TADA2A: variants seen among roughly 807,000 people sequenced by gnomAD.
TADA2A encodes the protein transcriptional adaptor 2A.
A neutral mutation model predicts 67.4 loss-of-function variants in TADA2A; 38 were observed. The observed-to-expected ratio is 0.56, with a 90% CI of 0.44 to 0.74. The LOEUF is 0.74. Among genes scored for constraint, TADA2A ranks in the 30% least tolerant of loss-of-function variants. TADA2A has a pLI of 0.00. For missense variants in TADA2A, 454 were observed against 547.0 expected, an observed-to-expected ratio of 0.83 and a Z score of 1.70; for synonymous variants, 192 against 181.6, an observed-to-expected ratio of 1.06 and a Z score of -0.46.
At chr17:37,457,599 C>T (rs1035420878) in intron 8 of TADA2A, among the ~76,000 whole-genome samples, 1 of 145,586 alleles carries the variant, frequency 6.9e-6, no homozygotes, top group Non-Finnish European at 1.5e-5. Context: ...TGGCTTTGAA[C>T]GATTCTCCCA....
chr17:37,428,048 A>C (rs1418824504), intron 4 of TADA2A, among the ~76,000 whole-genome samples: 4 of 152,124 alleles, frequency 2.6e-5, no homozygotes, highest in Admixed American at 6.6e-5. Flanking sequence ...CTCCTACTTC[A>C]AGCAGTTTTC....
At chr17:37,463,545 C>G (rs2053595014) in intron 10 of TADA2A, among the ~76,000 whole-genome samples, 1 of 151,910 alleles carries the variant, frequency 6.6e-6, no homozygotes, top group Non-Finnish European at 1.5e-5. Flanking sequence ...TTCAAGGCTG[C>G]AGTGAGCTAT....
At chr17:37,470,336 A>T in intron 12 of TADA2A, 64 bp from the exon 13 acceptor site, 1 of 1,583,350 alleles carries the variant, frequency 6.3e-7, no homozygotes, top group East Asian at 2.3e-5. Flanking sequence ...TTTCTTGGTC[A>T]GTTAGGAAGC....
intron 3 of TADA2A, among the ~76,000 whole-genome samples, chr17:37,424,800 C>A (rs2052354263): frequency 6.6e-6 from 1 of 152,190 alleles, no homozygotes; most frequent in Admixed American, 6.6e-5. Context: ...AGGTGATCTG[C>A]CTGCCTCGGT....
In TADA2A at chr17:37,419,412, G is replaced by C. The variant is rs2052160291; in HGVS notation, c.26-4097G>C. On this transcript the variant is annotated intron_variant, in intron 2 of 15. Transcript: ENST00000615182. ...TGGTCTCGAACTCCTGAGCTCAAGT[G>C]ATCCACCCACCTTGGTCTCCCAGAG... Among the ~76,000 whole-genome samples the C allele has an allele frequency of 2.1e-5, 3 of 145,768 alleles. 1 individual carries two copies. The South Asian group carries it at 6.8e-4, about 33-fold the overall frequency.
At chr17:37,421,915 G>C (rs2052245346) in intron 2 of TADA2A, among the ~76,000 whole-genome samples, 1 of 145,606 alleles carries the variant, frequency 6.9e-6, no homozygotes, top group Non-Finnish European at 1.5e-5. Flanking sequence ...GTCTCTCTCT[G>C]TTGCCCAGAC....
intron 8 of TADA2A, chr17:37,454,636 C>T (rs762879001): frequency 4.5e-6 from 1 of 223,350 alleles, no homozygotes; most frequent in Non-Finnish European, 9.3e-6. Context: ...TAAACTGGTC[C>T]TCTACAGAAG....
In TADA2A at chr17:37,419,694, C is replaced by T. The variant is rs1387949791; in HGVS notation, c.26-3815C>T. On this transcript the variant is annotated intron_variant, in intron 2 of 15. Transcript: ENST00000615182. ...TTGGGAGGCTGAGGCATGAGAATTG[C>T]TTGAACGTGGGAGGCAGAGGTTTCA... Among the ~76,000 whole-genome samples the T allele has an allele frequency of 3.5e-5, 5 of 143,586 alleles. No individual in the cohort carries two copies. The East Asian group carries it at 8.8e-4, about 25-fold the overall frequency. 94.2% of individuals were successfully genotyped at this position (143,586 alleles called of 152,430 possible).
At chr17:37,449,059 C>T (rs894796842) in intron 8 of TADA2A, among the ~76,000 whole-genome samples, 3 of 151,596 alleles carry the variant, frequency 2.0e-5, no homozygotes, top group Admixed American at 2.0e-4. Context: ...CTCGCTCTAT[C>T]GCCTAGGCTG....
At chr17:37,461,818 T>A (rs146462958) in intron 9 of TADA2A, 8 of 332,318 alleles carry the variant, frequency 2.4e-5, no homozygotes, top group Middle Eastern at 8.2e-4. Flanking sequence ...TTGTGAGTGG[T>A]TATTGATTGA....
At chr17:37,444,934 A>G (rs2053032210) in intron 8 of TADA2A, among the ~76,000 whole-genome samples, 166 bp downstream of exon 8, 1 of 152,232 alleles carries the variant, frequency 6.6e-6, no homozygotes, top group African/African-American at 2.4e-5. Context: ...TTTTGACCAC[A>G]GTGAATAAGA....
At chr17:37,424,014 C>G (rs944945049) in intron 3 of TADA2A, among the ~76,000 whole-genome samples, 5 of 152,028 alleles carry the variant, frequency 3.3e-5, no homozygotes, top group Non-Finnish European at 5.9e-5. Flanking sequence ...TCCCAAAGTT[C>G]TGGGATTACA....
intron 4 of TADA2A, among the ~76,000 whole-genome samples, chr17:37,428,789 G>A (rs56252960): frequency 6.6e-6 from 1 of 152,134 alleles, no homozygotes; most frequent in South Asian, 2.1e-4. Context: ...GCTCATGCCT[G>A]TAATCCCAGC....
intron 1 of TADA2A, among the ~76,000 whole-genome samples, chr17:37,410,361 A>G (rs1231024314): frequency 1.4e-5 from 2 of 146,174 alleles, no homozygotes; most frequent in African/African-American, 5.1e-5. Context: ...TTTTTTTAAG[A>G]GATGGGGTCT....
intron 2 of TADA2A, among the ~76,000 whole-genome samples, chr17:37,421,410 AG>A (rs1476220705): frequency 6.8e-6 from 1 of 146,124 alleles, no homozygotes; most frequent in Non-Finnish European, 1.5e-5. Flanking sequence ...CCCTGTCTCA[AG>A]AAAAAAAAGA....
chr17:37,472,709 A>T (rs2053815144), intron 14 of TADA2A, among the ~76,000 whole-genome samples: 1 of 151,966 alleles, frequency 6.6e-6, no homozygotes, highest in Admixed American at 6.6e-5. Context: ...AAAAAATATA[A>T]AAATTAGCTG....
chr17:37,426,964 C>T lies in TADA2A; in HGVS notation c.147C>T (p.Gly49=), dbSNP rs757069793. The T allele has an allele frequency of 1.3e-6, 2 of 1,597,948 alleles. No individual in the cohort carries two copies. Among genetic ancestry groups the T allele is most frequent in the Admixed American group, 3.5e-5 (2 of 56,922 alleles). Reference sequence around the variant, plus strand: ...TTTCTTTGCAGTGTTTCACTCGAGGCTTTGAGTACAAGAAACATCAAAGCG... The same window carrying T: ...TTTCTTTGCAGTGTTTCACTCGAGGTTTTGAGTACAAGAAACATCAAAGCG... ...FFLCLQCFTR[G]FEYKKHQSDH... is the part of the protein sequence containing the mutation. The change falls in exon 4 of 16, where the codon GGC becomes GGT. Residue 49 remains glycine (G), a synonymous_variant. Coordinates refer to ENST00000615182, the MANE Select transcript of TADA2A (RefSeq NM_001166105.3).
At chr17:37,429,045 CAA>C (rs375811520) in intron 4 of TADA2A, among the ~76,000 whole-genome samples, 5 of 109,584 alleles carry the variant, frequency 4.6e-5, no homozygotes, top group Admixed American at 9.7e-5. Context: ...GACTCCGTCT[CAA>C]AAAAAAAAAA....
intron 2 of TADA2A, among the ~76,000 whole-genome samples, chr17:37,414,357 AT>A (rs1183097731): frequency 1.4e-5 from 2 of 147,444 alleles, no homozygotes; most frequent in Admixed American, 6.8e-5. Context: ...TACTCTCATC[AT>A]TTTTTTTTTC....
Sources: allele counts gnomAD v4.1 joint callset (sites outside exome capture counted in the v4.1 genomes callset), GRCh38; gene constraint gnomAD v4.1.1; transcripts MANE v1.5; gene names NCBI Gene and HGNC (gene_info 2026-07-23, HGNC 2026-07-21).